The following CSMD3 variants were observed in gnomAD, a reference collection of about 807,000 sequenced individuals.
The protein encoded by CSMD3 is CUB and Sushi multiple domains 3, also known as CUB and sushi domain-containing protein 3.
In CSMD3, 177 loss-of-function variants were observed where a neutral mutation model predicts 435.2. That is an observed-to-expected ratio of 0.41 (90% CI 0.36 to 0.46). The LOEUF (loss-of-function observed/expected upper bound fraction) is 0.46. CSMD3 is among the 20% of genes least tolerant of loss of function. The pLI is 0.34. For synonymous variants in CSMD3, 1,656 were observed against 1,520.5 expected (o/e 1.09, Z -2.07); for missense variants, 4,265 against 4,504.6 (o/e 0.95, Z 1.52).
chr8:112,258,955 C>G (rs577307377), intron 61 of CSMD3, among the ~76,000 whole-genome samples: 7 of 151,966 alleles, frequency 4.6e-5, no homozygotes, highest in African/African-American at 1.7e-4. Flanking sequence ...AGGAGAATGG[C>G]GAGAACCCGG....
intron 24 of CSMD3, among the ~76,000 whole-genome samples, chr8:112,567,469 AT>A (rs1829153642): frequency 6.6e-6 from 1 of 152,106 alleles, no homozygotes; most frequent in Non-Finnish European, 1.5e-5. Context: ...TGTTCTCTAT[AT>A]TTTCAATATA....
intron 9 of CSMD3, 49 bp downstream of exon 9, chr8:112,947,741 A>C: frequency 1.2e-6 from 1 of 825,844 alleles, no homozygotes; most frequent in Admixed American, 1.7e-5. Context: ...TTTAAATTAA[A>C]ATAAACCTTG....
intron 13 of CSMD3, among the ~76,000 whole-genome samples, chr8:112,735,202 T>C (rs960211229): frequency 1.3e-5 from 2 of 152,074 alleles, no homozygotes; most frequent in African/African-American, 4.8e-5. Context: ...GTTCTGTATA[T>C]AGCGAAGTAT....
intron 16 of CSMD3, among the ~76,000 whole-genome samples, chr8:112,673,434 A>G (rs1432345286): frequency 1.3e-5 from 2 of 152,070 alleles, no homozygotes; most frequent in African/African-American, 2.4e-5. Context: ...ATTAAATTAC[A>G]TTATTCTATA....
intron 40 of CSMD3, among the ~76,000 whole-genome samples, chr8:112,347,247 G>A (rs1329245708): frequency 2.6e-5 from 4 of 152,092 alleles, no homozygotes; most frequent in Admixed American, 2.6e-4. Flanking sequence ...GAACCCTTGA[G>A]CATATATGAA....
In CSMD3 at chr8:112,318,932, T is replaced by C; in HGVS notation, c.7265A>G (p.Gln2422Arg). The C allele has an allele frequency of 6.2e-7, 1 of 1,608,054 alleles. No individual in the cohort carries two copies. The highest frequency in any genetic ancestry group is 8.5e-7 in the Non-Finnish European group (1 of 1,175,972). Residue 2422 changes from glutamine (Q) to arginine (R), a missense_variant, in exon 47 of 71, where the codon CAG becomes CGG. Gln to Arg is a conservative substitution (Grantham distance 43). Coordinates refer to ENST00000297405, the MANE Select transcript of CSMD3 (RefSeq NM_198123.2). Reference sequence around the variant, plus strand: ...AACTAAAGTAAATCCTGGAAGACACTGATACCTAATAATATCACCTATTAA... The same window carrying C: ...AACTAAAGTAAATCCTGGAAGACACCGATACCTAATAATATCACCTATTAA... ...EFEIGDIIRY[Q>R]CLPGFTLVGN...
At chr8:113,096,665 T>C (rs1051402390) in intron 5 of CSMD3, among the ~76,000 whole-genome samples, 3 of 152,088 alleles carry the variant, frequency 2.0e-5, no homozygotes, top group African/African-American at 7.2e-5. Context: ...AGCCAGGCTC[T>C]ATTAATTATC....
At chr8:112,814,078 T>C (rs1036368680) in intron 12 of CSMD3, among the ~76,000 whole-genome samples, 2 of 152,048 alleles carry the variant, frequency 1.3e-5, no homozygotes, top group Non-Finnish European at 2.9e-5. Context: ...AATCACAGAG[T>C]GATTGCCTGA....
intron 38 of CSMD3, among the ~76,000 whole-genome samples, chr8:112,356,736 G>A (rs1356006216): frequency 1.3e-5 from 2 of 152,064 alleles, no homozygotes; most frequent in South Asian, 4.2e-4. Context: ...CATGAGTACT[G>A]ATGGTTTTAA....
intron 31 of CSMD3, among the ~76,000 whole-genome samples, chr8:112,481,330 CATT>C (rs1374756960): frequency 6.6e-6 from 1 of 152,178 alleles, no homozygotes; most frequent in Non-Finnish European, 1.5e-5. Flanking sequence ...ATCTTAGAGA[CATT>C]ATAATACAGG....
At chr8:112,759,600 A>G (rs990519280) in intron 13 of CSMD3, among the ~76,000 whole-genome samples, 1 of 152,146 alleles carries the variant, frequency 6.6e-6, no homozygotes, top group African/African-American at 2.4e-5. Flanking sequence ...CTAAACAGCA[A>G]TTGCATATGG....
intron 32 of CSMD3, among the ~76,000 whole-genome samples, chr8:112,467,825 G>C (rs1296092563): frequency 6.6e-6 from 1 of 152,160 alleles, no homozygotes; most frequent in Admixed American, 6.6e-5. Flanking sequence ...CTCAAGGCTT[G>C]CTGGGAGTCA....
intron 13 of CSMD3, among the ~76,000 whole-genome samples, chr8:112,696,771 C>A (rs1185490875): frequency 3.3e-5 from 5 of 151,506 alleles, no homozygotes; most frequent in African/African-American, 1.2e-4. Context: ...AAGAAACTAC[C>A]ATCAGAGTGA....
intron 2 of CSMD3, among the ~76,000 whole-genome samples, chr8:113,299,837 T>C (rs956979033): frequency 6.6e-6 from 1 of 151,848 alleles, no homozygotes; most frequent in Non-Finnish European, 1.5e-5. Flanking sequence ...CTACTAAAAA[T>C]ACAAAAATTA....
chr8:112,397,166 T>G (rs1563891815), intron 35 of CSMD3, among the ~76,000 whole-genome samples: 1 of 152,184 alleles, frequency 6.6e-6, no homozygotes, highest in Non-Finnish European at 1.5e-5. Context: ...ATATTTATAG[T>G]TAAAAATAGA....
chr8:113,290,920 A>C (rs1284226295), intron 2 of CSMD3, among the ~76,000 whole-genome samples: 1 of 151,380 alleles, frequency 6.6e-6, no homozygotes, highest in Admixed American at 6.6e-5. Context: ...AAGCTCTTTT[A>C]CTCTATATGA....
chr8:112,827,824 T>G (rs231288), intron 12 of CSMD3, among the ~76,000 whole-genome samples: 46,798 of 152,066 alleles, frequency 0.31, 7,542 homozygotes, highest in African/African-American at 0.36. Context: ...ATAGAGGGAT[T>G]AGGGCCACAA....
intron 61 of CSMD3, among the ~76,000 whole-genome samples, chr8:112,262,186 T>C (rs1004260517): frequency 1.3e-5 from 2 of 152,088 alleles, no homozygotes; most frequent in Non-Finnish European, 2.9e-5. Flanking sequence ...TGTGGGTGTG[T>C]GTATGTGTGT....
In CSMD3 at chr8:112,370,038, A is replaced by AGAG. The variant is rs1475752914; in HGVS notation, c.6136+10313_6136+10314insCTC. On this transcript the variant is annotated intron_variant, in intron 38 of 70. Transcript: ENST00000297405. ...AAGAAGAAGAGGAAGAAGAAGAAGA[A>AGAG]GAAGAAGAAGAAGAAGAAGAAGAAG... Among the ~76,000 whole-genome samples, 38 of 56,938 alleles carry AGAG rather than the reference A, an allele frequency of 6.7e-4. No homozygotes were observed. In the Middle Eastern group the frequency reaches 0.034, roughly 51 times the overall value. 37.4% of individuals were successfully genotyped at this position (56,938 alleles called of 152,430 possible). A position where few individuals can be genotyped will look rare whatever the true frequency, so the allele number is the denominator to read the frequency against.
Sources: gnomAD v4.1 joint callset for allele counts (sites outside exome capture counted in the v4.1 genomes callset) on GRCh38, gnomAD v4.1.1 for gene constraint, MANE v1.5 for transcripts, NCBI Gene and HGNC (gene_info 2026-07-23, HGNC 2026-07-21) for gene names.